The following DGKB variants were observed in gnomAD, a reference collection of about 807,000 sequenced individuals.
DGKB encodes the protein diacylglycerol kinase beta.
A neutral mutation model predicts 114.3 loss-of-function variants in DGKB; 67 were observed. That is an observed-to-expected ratio of 0.59 (90% CI 0.48 to 0.72). The LOEUF is 0.72. DGKB is among the 30% of genes least tolerant of loss of function. The pLI, the probability that DGKB is intolerant of heterozygous loss-of-function variation, is 0.00. For missense variants in DGKB, 907 were observed against 975.2 expected (o/e 0.93, Z 0.93); for synonymous variants, 398 against 323.1 (o/e 1.23, Z -2.49).
intron 1 of DGKB, among the ~76,000 whole-genome samples, chr7:14,884,083 A>G (rs1854647370): frequency 6.6e-6 from 1 of 151,996 alleles, no homozygotes; most frequent in African/African-American, 2.4e-5. Flanking sequence ...ACCAGGTAGA[A>G]AATATTTTAG....
At chr7:14,620,406 C>T (rs564119789) in intron 15 of DGKB, among the ~76,000 whole-genome samples, 1 of 151,382 alleles carries the variant, frequency 6.6e-6, no homozygotes, top group Admixed American at 6.6e-5. Flanking sequence ...TAGGCATCTT[C>T]TCTGTGCCCT....
intron 13 of DGKB, among the ~76,000 whole-genome samples, chr7:14,653,595 T>C (rs1448909968): frequency 1.3e-5 from 2 of 151,814 alleles, no homozygotes; most frequent in African/African-American, 4.8e-5. Flanking sequence ...GCATGGCACA[T>C]GTATGCATAT....
intron 22 of DGKB, among the ~76,000 whole-genome samples, chr7:14,341,422 G>C (rs1045727475): frequency 4.0e-5 from 6 of 151,806 alleles, no homozygotes; most frequent in African/African-American, 1.2e-4. Context: ...TTATAGTACT[G>C]TGTCAGATAA....
intron 17 of DGKB, among the ~76,000 whole-genome samples, chr7:14,606,370 G>A (rs935986783): frequency 2.6e-5 from 4 of 152,018 alleles, no homozygotes; most frequent in Non-Finnish European, 4.4e-5. Context: ...TCACTGCTCA[G>A]CATTGGGAAA....
At chr7:14,164,024 C>A (rs1013362013) in intron 25 of DGKB, among the ~76,000 whole-genome samples, 17 of 149,586 alleles carry the variant, frequency 1.1e-4, no homozygotes, top group South Asian at 4.2e-4. Context: ...AAAAAAAAAA[C>A]AAAATAAAAA....
At chr7:14,286,413 T>C (rs983566305) in intron 23 of DGKB, among the ~76,000 whole-genome samples, 2 of 152,134 alleles carry the variant, frequency 1.3e-5, no homozygotes, top group African/African-American at 4.8e-5. Flanking sequence ...AGAGAATGTA[T>C]TACTTGGGTA....
At chr7:14,572,488 A>G (rs1219356146) in intron 20 of DGKB, among the ~76,000 whole-genome samples, 3 of 151,944 alleles carry the variant, frequency 2.0e-5, no homozygotes, top group Non-Finnish European at 4.4e-5. Flanking sequence ...AGTATAAAGT[A>G]TAGTAACAAT....
intron 5 of DGKB, among the ~76,000 whole-genome samples, chr7:14,728,083 C>T (rs778922916): frequency 4.6e-5 from 7 of 152,098 alleles, no homozygotes; most frequent in Non-Finnish European, 1.0e-4. Context: ...TGACATAATC[C>T]TCCTATTGAT....
chr7:14,179,847 T>G (rs1343675668), intron 23 of DGKB, among the ~76,000 whole-genome samples: 2 of 152,180 alleles, frequency 1.3e-5, no homozygotes, highest in South Asian at 4.1e-4. Context: ...AAATGTTAAC[T>G]TAGAGCTTCC....
intron 1 of DGKB, among the ~76,000 whole-genome samples, chr7:14,950,513 G>T (rs1786129291): frequency 6.6e-6 from 1 of 151,686 alleles, no homozygotes; most frequent in South Asian, 2.1e-4. Context: ...AATTTTAGTT[G>T]GATTGATCAA....
chr7:14,871,960 G>T (rs1354566437), intron 1 of DGKB, among the ~76,000 whole-genome samples: 2 of 152,060 alleles, frequency 1.3e-5, no homozygotes, highest in Admixed American at 6.6e-5. Flanking sequence ...AAGCTTCTAT[G>T]ATTTATACGG....
At chr7:14,362,270 T>C (rs879557022) in intron 21 of DGKB, among the ~76,000 whole-genome samples, 10 of 152,054 alleles carry the variant, frequency 6.6e-5, no homozygotes, top group Admixed American at 5.9e-4. Flanking sequence ...AAGAATTCAT[T>C]GAACAACATA....
chr7:14,344,296 T>C (rs900127774), intron 22 of DGKB, among the ~76,000 whole-genome samples: 1 of 151,496 alleles, frequency 6.6e-6, no homozygotes, highest in Non-Finnish European at 1.5e-5. Flanking sequence ...TTACCAATCA[T>C]GATGAGATAA....
intron 20 of DGKB, among the ~76,000 whole-genome samples, chr7:14,482,333 T>G (rs760034897): frequency 1.3e-5 from 2 of 152,054 alleles, no homozygotes; most frequent in Non-Finnish European, 2.9e-5. Context: ...TTAAATAAAT[T>G]GCATAATCTT....
intron 1 of DGKB, among the ~76,000 whole-genome samples, chr7:14,956,312 C>T (rs1024896143): frequency 6.6e-6 from 1 of 151,858 alleles, no homozygotes; most frequent in Admixed American, 6.6e-5. Context: ...TACAATGACT[C>T]CTATGTCCAC....
At chr7:14,471,769 A>T (rs887239733) in intron 21 of DGKB, among the ~76,000 whole-genome samples, 17 of 152,256 alleles carry the variant, frequency 1.1e-4, no homozygotes, top group African/African-American at 4.1e-4. Context: ...CTATAAAGGT[A>T]GTAAGATATA....
At chr7:14,584,627 T>G (rs1800451169) in intron 17 of DGKB, among the ~76,000 whole-genome samples, 1 of 152,212 alleles carries the variant, frequency 6.6e-6, no homozygotes, top group Middle Eastern at 3.4e-3. Flanking sequence ...AAGATGTGCC[T>G]TTCTTTCTAT....
At chr7:14,283,866 A>G (rs941208405) in intron 23 of DGKB, among the ~76,000 whole-genome samples, 19 of 152,090 alleles carry the variant, frequency 1.2e-4, no homozygotes, top group African/African-American at 4.6e-4. Context: ...AATCAATTCA[A>G]GATGGATTAA....
At chr7:14,707,286 A>C (rs1336872611) in intron 6 of DGKB, among the ~76,000 whole-genome samples, 2 of 149,882 alleles carry the variant, frequency 1.3e-5, no homozygotes, top group African/African-American at 5.0e-5. Flanking sequence ...GAATCTCTTA[A>C]TAGACCAATA....
Sources: gnomAD v4.1 joint callset for allele counts (sites outside exome capture counted in the v4.1 genomes callset) on GRCh38, gnomAD v4.1.1 for gene constraint, MANE v1.5 for transcripts, NCBI Gene and HGNC (gene_info 2026-07-23, HGNC 2026-07-21) for gene names.